The following SUGCT variants were observed in gnomAD, a reference collection of about 807,000 sequenced individuals.
SUGCT encodes the protein succinyl-CoA:glutarate CoA-transferase.
In SUGCT, 41 loss-of-function variants were observed where a neutral mutation model predicts 55.0. That is an observed-to-expected ratio of 0.74 (90% CI 0.58 to 0.97). The LOEUF (loss-of-function observed/expected upper bound fraction) is 0.97, where lower values mean the gene tolerates loss of function less well. SUGCT is among the 50% of genes least tolerant of loss of function. The pLI is 0.00. For synonymous variants in SUGCT, 187 were observed against 200.4 expected (o/e 0.93, Z 0.56); for missense variants, 568 against 547.8 (o/e 1.04, Z -0.37).
chr7:40,584,745 A>G (rs1201058143), intron 12 of SUGCT, among the ~76,000 whole-genome samples: 1 of 152,202 alleles, frequency 6.6e-6, no homozygotes, highest in Non-Finnish European at 1.5e-5. Flanking sequence ...TCCAAATCCC[A>G]TGTTGTATAT....
At chr7:40,365,439 AG>A (rs1562717163) in intron 9 of SUGCT, among the ~76,000 whole-genome samples, 1 of 151,980 alleles carries the variant, frequency 6.6e-6, no homozygotes, top group African/African-American at 2.4e-5. Context: ...AAGGAAATAA[AG>A]GGTATTCAAT....
chr7:40,675,965 C>A lies in SUGCT; in HGVS notation c.1090-73469C>A, dbSNP rs189161517. ...TCAGATTGGAGAGGAGTCAGGGAGA[C>A]CAGTGAGGTGGCTGAGGCTAGTCAC... On this transcript the variant is annotated intron_variant, in intron 12 of 13. Transcript: ENST00000335693. Among the ~76,000 whole-genome samples the A allele has an allele frequency of 2.8e-3, 424 of 152,150 alleles. 2 individuals are homozygous for A. Among genetic ancestry groups the A allele is most frequent in the African/African-American group, 9.8e-3 (405 of 41,514 alleles).
chr7:40,493,627 T>G (rs990064472), intron 11 of SUGCT, among the ~76,000 whole-genome samples: 16 of 152,204 alleles, frequency 1.1e-4, no homozygotes, highest in Middle Eastern at 3.2e-3. Context: ...GCCAATTAAA[T>G]TTGAATTGTT....
chr7:40,249,422 G>C (rs1790206160), intron 7 of SUGCT, among the ~76,000 whole-genome samples: 1 of 139,530 alleles, frequency 7.2e-6, no homozygotes, highest in African/African-American at 2.7e-5. Context: ...TATAATATAA[G>C]ACTATATAAT....
Position 40,860,341 on chromosome 7 carries a change from C to G in SUGCT, c.1179C>G (p.Phe393Leu). ...GCCCAGCTGTGAGATACAGTAAGTTCAAGATGTCAGAGGCCAGGCCGCCCC... is the reference window on the plus strand; with the variant it reads ...GCCCAGCTGTGAGATACAGTAAGTTGAAGATGTCAGAGGCCAGGCCGCCCC... ...VPGPAVRYSK[F>L]KMSEARPPPL... The change falls in exon 14 of 14, where the codon TTC (phenylalanine) becomes TTG (leucine). Residue 393 changes from phenylalanine (F) to leucine (L), a missense_variant. Phe to Leu is a conservative substitution (Grantham distance 22, BLOSUM62 0). Transcript: ENST00000335693. 1 of 1,613,980 alleles carries G rather than the reference C, an allele frequency of 6.2e-7. No homozygotes were observed. Among genetic ancestry groups the G allele is most frequent in the Non-Finnish European group, 8.5e-7 (1 of 1,179,860 alleles).
At chr7:40,672,460 G>C (rs1342240101) in intron 12 of SUGCT, among the ~76,000 whole-genome samples, 1 of 152,162 alleles carries the variant, frequency 6.6e-6, no homozygotes, top group Non-Finnish European at 1.5e-5. Flanking sequence ...GACAATCCCA[G>C]TAGGTTACAT....
At chr7:40,316,589 T>C (rs991688952) in intron 8 of SUGCT, among the ~76,000 whole-genome samples, 171 bp from the exon 9 acceptor site, 2 of 152,246 alleles carry the variant, frequency 1.3e-5, no homozygotes, top group African/African-American at 4.8e-5. Flanking sequence ...GTAATGCCGT[T>C]CTTCATTTGT....
At chr7:40,945,485 C>T in the SUGCT span, among the ~76,000 whole-genome samples, 2 of 152,144 alleles carry the variant, frequency 1.3e-5, no homozygotes, top group East Asian at 1.9e-4. Context: ...GATGCACCCA[C>T]ACCAAGCTCC....
intron 7 of SUGCT, among the ~76,000 whole-genome samples, 196 bp from the exon 8 acceptor site, chr7:40,274,317 A>G (rs550147092): frequency 6.6e-6 from 1 of 152,102 alleles, no homozygotes; most frequent in Non-Finnish European, 1.5e-5. Flanking sequence ...TGAGAAGTAT[A>G]TAGTAAATAT....
chr7:40,997,424 A>G, the SUGCT span, among the ~76,000 whole-genome samples: 1 of 152,142 alleles, frequency 6.6e-6, no homozygotes, highest in Non-Finnish European at 1.5e-5. Flanking sequence ...CAGGTCAGCC[A>G]TAAGAATCTG....
At chr7:40,371,048 C>T (rs1784272287) in intron 9 of SUGCT, among the ~76,000 whole-genome samples, 1 of 152,190 alleles carries the variant, frequency 6.6e-6, no homozygotes, top group South Asian at 2.1e-4. Context: ...AGTCCCACTT[C>T]CAAAGACCAT....
intron 1 of SUGCT, among the ~76,000 whole-genome samples, chr7:40,175,052 G>C (rs1190318374): frequency 6.6e-6 from 1 of 152,030 alleles, no homozygotes; most frequent in Non-Finnish European, 1.5e-5. Flanking sequence ...ATTTATTTGT[G>C]AGTTGGTTGC....
intron 9 of SUGCT, among the ~76,000 whole-genome samples, chr7:40,340,403 C>T (rs1446330222): frequency 6.6e-6 from 1 of 151,872 alleles, no homozygotes. Flanking sequence ...CATTATTCCT[C>T]AATTTAAGAG....
intron 12 of SUGCT, among the ~76,000 whole-genome samples, chr7:40,735,173 GT>G (rs1468214789): frequency 3.3e-5 from 5 of 152,170 alleles, no homozygotes; most frequent in African/African-American, 1.2e-4. Context: ...AAAGTTTGTA[GT>G]TTGGTTCTGG....
At chr7:40,243,349 A>C (rs776596212) in intron 7 of SUGCT, among the ~76,000 whole-genome samples, 2 of 152,146 alleles carry the variant, frequency 1.3e-5, no homozygotes, top group Non-Finnish European at 2.9e-5. Flanking sequence ...ATGTTGTATT[A>C]GGTACCATAA....
the SUGCT span, among the ~76,000 whole-genome samples, chr7:40,990,382 G>C: frequency 1.3e-5 from 2 of 152,108 alleles, no homozygotes; most frequent in Non-Finnish European, 2.9e-5. Flanking sequence ...TTTCAACAGC[G>C]GTCTTAAAAT....
intron 9 of SUGCT, among the ~76,000 whole-genome samples, chr7:40,319,874 G>A (rs972795410): frequency 6.6e-6 from 1 of 152,094 alleles, no homozygotes; most frequent in Non-Finnish European, 1.5e-5. Flanking sequence ...CCAGGCTGGA[G>A]TGCAGTGGTG....
Position 40,366,383 on chromosome 7 carries a change from G to A in SUGCT, c.816+49528G>A, listed in dbSNP as rs528007662. ...GGACTACATGTCTAAAACACCAAAA[G>A]CAATGGCAACAAAAGCCAAAATTGA... On this transcript the variant is annotated intron_variant, in intron 9 of 13. Transcript: ENST00000335693. 2.3e-3 allele frequency among the ~76,000 whole-genome samples: 355 copies of A among 152,188 alleles called. 4 individuals carry two copies. The highest frequency in any genetic ancestry group is 8.1e-3 in the African/African-American group (335 of 41,518).
At chr7:40,235,174 A>G (rs1378442892) in intron 6 of SUGCT, among the ~76,000 whole-genome samples, 1 of 152,014 alleles carries the variant, frequency 6.6e-6, no homozygotes, top group Non-Finnish European at 1.5e-5. Flanking sequence ...ATATTAAGTG[A>G]TAATTTTATC....
Sources: allele counts gnomAD v4.1 joint callset (sites outside exome capture counted in the v4.1 genomes callset), GRCh38; gene constraint gnomAD v4.1.1; transcripts MANE v1.5; gene names NCBI Gene and HGNC (gene_info 2026-07-23, HGNC 2026-07-21).